The following RAP1A variants were observed in gnomAD, a reference collection of about 807,000 sequenced individuals.
The protein encoded by RAP1A is RAP1A, member of RAS oncogene family.
A neutral mutation model predicts 26.4 loss-of-function variants in RAP1A; 6 were observed. The ratio of observed to expected loss-of-function variants is 0.23; its 90% CI spans 0.12 to 0.45. The LOEUF is 0.45. Ranked by LOEUF, RAP1A falls within the 20% of genes least tolerant of loss-of-function variation. The probability of loss-of-function intolerance (pLI) is 0.99; values close to 1 mark genes in which losing one functional copy is unlikely to be tolerated. For missense variants in RAP1A, 121 were observed against 217.2 expected (o/e 0.56, Z 2.78); for synonymous variants, 73 against 79.4 (o/e 0.92, Z 0.43).
intron 1 of RAP1A, among the ~76,000 whole-genome samples, chr1:111,646,037 A>T (rs1429260891): frequency 6.6e-6 from 1 of 152,244 alleles, no homozygotes; most frequent in Non-Finnish European, 1.5e-5. Flanking sequence ...TAATTAATTT[A>T]GATATTTACC....
intron 1 of RAP1A, among the ~76,000 whole-genome samples, chr1:111,558,352 A>ATT (rs5777065): frequency 6.9e-6 from 1 of 145,072 alleles, no homozygotes; most frequent in Admixed American, 6.9e-5. Flanking sequence ...TAATTTTTCT[A>ATT]TTTTTTTTTT....
upstream of RAP1A, among the ~76,000 whole-genome samples, chr1:111,617,830 G>A (rs976866192): frequency 6.6e-6 from 1 of 151,650 alleles, no homozygotes; most frequent in Non-Finnish European, 1.5e-5. Context: ...GATCACCTGA[G>A]GTTGGGAATT....
At position 111,712,483 on chromosome 1, in the gene RAP1A, T is replaced by A. The variant is rs1662413914; in HGVS notation, c.*82T>A. Reference sequence around the variant, plus strand: ...ATTGGAAAGTGCCAGCATTCCAGACTTCAAAAATAAAAAATCTGAAGAGGC... The same window carrying A: ...ATTGGAAAGTGCCAGCATTCCAGACATCAAAAATAAAAAATCTGAAGAGGC... On this transcript the variant is annotated 3_prime_UTR_variant, in exon 8 of 8. Coordinates refer to ENST00000369709, the MANE Select transcript of RAP1A (RefSeq NM_002884.4). The A allele has an allele frequency of 6.6e-6, 1 of 152,516 alleles. No homozygotes were observed. Among genetic ancestry groups the A allele is most frequent in the African/African-American group, 2.4e-5 (1 of 41,444 alleles). The allele number at this position is 152,516 out of a possible 1,614,324, so 9.4% of individuals were successfully genotyped here.
chr1:111,648,892 T>C (rs755975258), intron 1 of RAP1A: 2 of 795,866 alleles, frequency 2.5e-6, no homozygotes, highest in Non-Finnish European at 2.2e-6. Flanking sequence ...AACCCAGAGC[T>C]GGCAATCTGG....
At chr1:111,584,271 A>G (rs1296696414) in intron 1 of RAP1A, among the ~76,000 whole-genome samples, 1 of 152,130 alleles carries the variant, frequency 6.6e-6, no homozygotes, top group Non-Finnish European at 1.5e-5. Context: ...TTACCACCAG[A>G]AAAGGCCAAA....
intron 1 of RAP1A, among the ~76,000 whole-genome samples, chr1:111,595,506 A>G (rs1261634948): frequency 6.6e-6 from 1 of 152,238 alleles, no homozygotes; most frequent in African/African-American, 2.4e-5. Flanking sequence ...GTGAAAAAAA[A>G]CAGTAAAACA....
At chr1:111,546,178 A>G (rs1018345251) in intron 1 of RAP1A, among the ~76,000 whole-genome samples, 2 of 152,168 alleles carry the variant, frequency 1.3e-5, no homozygotes, top group African/African-American at 2.4e-5. Flanking sequence ...TTGAATTTTT[A>G]TAAGTTTTAC....
At chr1:111,592,848 TTC>T (rs1415136527) in intron 1 of RAP1A, among the ~76,000 whole-genome samples, 3 of 152,116 alleles carry the variant, frequency 2.0e-5, no homozygotes, top group Non-Finnish European at 4.4e-5. Context: ...ATTTCCTCTC[TTC>T]TCTGTTTTGG....
At chr1:111,618,085 A>G (rs1659052789), upstream of RAP1A, among the ~76,000 whole-genome samples, 1 of 151,754 alleles carries the variant, frequency 6.6e-6, no homozygotes. Flanking sequence ...GAGAAAAAGC[A>G]TTTCTCATCT....
At chr1:111,587,043 G>A (rs769817941) in intron 1 of RAP1A, among the ~76,000 whole-genome samples, 12 of 152,002 alleles carry the variant, frequency 7.9e-5, no homozygotes, top group Non-Finnish European at 1.6e-4. Context: ...CAACACCAGT[G>A]GCCTTGCCTT....
intron 1 of RAP1A, among the ~76,000 whole-genome samples, chr1:111,638,310 T>C (rs1659784050): frequency 6.6e-6 from 1 of 152,194 alleles, no homozygotes; most frequent in Non-Finnish European, 1.5e-5. Flanking sequence ...TTGTTTTGTT[T>C]TTGCGTATGT....
chr1:111,569,271 T>G (rs1399873739), intron 1 of RAP1A, among the ~76,000 whole-genome samples: 2 of 151,590 alleles, frequency 1.3e-5, no homozygotes, highest in Non-Finnish European at 2.9e-5. Flanking sequence ...AATGGTGGCG[T>G]GCACCTACAG....
intron 1 of RAP1A, among the ~76,000 whole-genome samples, chr1:111,613,919 G>A (rs994231581): frequency 6.6e-6 from 1 of 152,124 alleles, no homozygotes; most frequent in African/African-American, 2.4e-5. Context: ...TATATGGCTC[G>A]CTTATATTCT....
At chr1:111,560,109 A>G (rs1215742434) in intron 1 of RAP1A, among the ~76,000 whole-genome samples, 2 of 152,234 alleles carry the variant, frequency 1.3e-5, no homozygotes, top group East Asian at 3.8e-4. Context: ...TTGGAAGCTC[A>G]GAGATTACAA....
chr1:111,632,268 G>T (rs1659589706), intron 1 of RAP1A, among the ~76,000 whole-genome samples: 1 of 151,654 alleles, frequency 6.6e-6, no homozygotes, highest in African/African-American at 2.4e-5. Flanking sequence ...AGGCAGAATA[G>T]GAGTATGAAA....
At chr1:111,642,019 C>T (rs775767753) in intron 1 of RAP1A, among the ~76,000 whole-genome samples, 21 of 152,060 alleles carry the variant, frequency 1.4e-4, no homozygotes, top group South Asian at 2.1e-4. Flanking sequence ...CCAAGGTGGG[C>T]GGATCACCTG....
intron 1 of RAP1A, among the ~76,000 whole-genome samples, chr1:111,573,274 C>A (rs141797933): frequency 1.3e-3 from 195 of 152,226 alleles, no homozygotes; most frequent in African/African-American, 4.5e-3. Context: ...AGTAATGGGA[C>A]AAATGGTAGC....
chr1:111,590,534 G>A (rs1431552875), intron 1 of RAP1A, among the ~76,000 whole-genome samples: 1 of 151,456 alleles, frequency 6.6e-6, no homozygotes, highest in Non-Finnish European at 1.5e-5. Flanking sequence ...AAAATAATTT[G>A]AATTTTTTCT....
intron 1 of RAP1A, among the ~76,000 whole-genome samples, chr1:111,688,261 A>C (rs1661552331): frequency 7.2e-6 from 1 of 139,486 alleles, no homozygotes; most frequent in Non-Finnish European, 1.6e-5. Context: ...GCTTCACAAG[A>C]AGTCTGTGTG....
Sources: gnomAD v4.1 joint callset for allele counts (sites outside exome capture counted in the v4.1 genomes callset) on GRCh38, gnomAD v4.1.1 for gene constraint, MANE v1.5 for transcripts, NCBI Gene and HGNC (gene_info 2026-07-23, HGNC 2026-07-21) for gene names.